The following SCAI variants were observed in gnomAD, a reference collection of about 807,000 sequenced individuals.
The protein encoded by SCAI is protein SCAI.
In SCAI, 24 loss-of-function variants were observed where a neutral mutation model predicts 92.2. The ratio of observed to expected loss-of-function variants is 0.26; its 90% CI spans 0.19 to 0.37. The LOEUF (loss-of-function observed/expected upper bound fraction) is 0.37, where lower values mean the gene tolerates loss of function less well. Among genes scored for constraint, SCAI ranks in the 10% least tolerant of loss-of-function variants. SCAI has a pLI of 1.00. For synonymous variants in SCAI, 261 were observed against 258.6 expected, an observed-to-expected ratio of 1.01 and a Z score of -0.09; for missense variants, 450 against 736.2, an observed-to-expected ratio of 0.61 and a Z score of 4.50.
At chr9:124,971,568 C>T (rs1831658549) in intron 16 of SCAI, 98 bp from the exon 17 acceptor site, 2 of 1,392,168 alleles carry the variant, frequency 1.4e-6, no homozygotes, top group Non-Finnish European at 2.0e-6. Context: ...AACTTTCCTG[C>T]CTGGGACACA....
intron 17 of SCAI, among the ~76,000 whole-genome samples, chr9:124,963,454 A>C (rs1411572541): frequency 6.6e-6 from 1 of 151,956 alleles, no homozygotes; most frequent in Non-Finnish European, 1.5e-5. Context: ...AATGTTACTA[A>C]GAAAATTGGC....
intron 3 of SCAI, among the ~76,000 whole-genome samples, chr9:125,035,155 G>C (rs1204106280): frequency 5.3e-5 from 8 of 152,004 alleles, no homozygotes; most frequent in African/African-American, 1.9e-4. Context: ...AGAAATTCAA[G>C]ACCAGCCAGG....
intron 3 of SCAI, among the ~76,000 whole-genome samples, chr9:125,047,225 G>T (rs1216838388): frequency 1.3e-5 from 2 of 152,084 alleles, no homozygotes; most frequent in African/African-American, 4.8e-5. Flanking sequence ...GTCCTTAGAA[G>T]AAGACATTAG....
intron 2 of SCAI, among the ~76,000 whole-genome samples, chr9:125,133,649 G>C (rs1344562278): frequency 6.6e-6 from 1 of 152,050 alleles, no homozygotes; most frequent in African/African-American, 2.4e-5. Context: ...GGTTTTAAGG[G>C]TATACATGTA....
chr9:125,104,729 C>CT (rs1834741349), intron 2 of SCAI, among the ~76,000 whole-genome samples: 1 of 151,824 alleles, frequency 6.6e-6, no homozygotes, highest in South Asian at 2.1e-4. Context: ...TGGTGAAACT[C>CT]CATCTTTCTC....
chr9:125,121,311 G>C (rs192514042), intron 2 of SCAI, among the ~76,000 whole-genome samples: 1 of 149,190 alleles, frequency 6.7e-6, no homozygotes, highest in African/African-American at 2.5e-5. Context: ...GAAAAAAGAT[G>C]AATCAAACCT....
At chr9:125,007,938 C>T (rs909297297) in intron 9 of SCAI, among the ~76,000 whole-genome samples, 21 of 151,704 alleles carry the variant, frequency 1.4e-4, no homozygotes, top group South Asian at 2.1e-4. Flanking sequence ...CTCCACCTCC[C>T]GGGTTCACGC....
rs58586769 is a variant in SCAI, at chr9:125,002,488, G to GTTTTTTTTTTTTTTTTTTTT, written c.1066-446_1066-445insAAAAAAAAAAAAAAAAAAAA. On this transcript the variant is annotated intron_variant, in intron 11 of 17. Transcript: ENST00000336505. ...ACACTCTGCTTTTGTTTTTTAGTCT[G>GTTTTTTTTTTTTTTTTTTTT]TTTTTTTTTTTGAAACAGAGTTTCA... Among the ~76,000 whole-genome samples the GTTTTTTTTTTTTTTTTTTTT allele has an allele frequency of 2.6e-4, 32 of 125,100 alleles. 3 individuals carry two copies. Among genetic ancestry groups the GTTTTTTTTTTTTTTTTTTTT allele is most frequent in the African/African-American group, 6.6e-4 (21 of 31,670 alleles). The allele number at this position is 125,100 out of a possible 152,430, so 82.1% of individuals were successfully genotyped here. A position where few individuals can be genotyped will look rare whatever the true frequency, so the allele number is the denominator to read the frequency against.
At chr9:125,132,024 A>G (rs1835411544) in intron 2 of SCAI, among the ~76,000 whole-genome samples, 1 of 151,868 alleles carries the variant, frequency 6.6e-6, no homozygotes, top group South Asian at 2.1e-4. Context: ...AGTTTGGTCT[A>G]TTTTTACACC....
chr9:125,057,348 C>A (rs1833690311), intron 2 of SCAI, among the ~76,000 whole-genome samples: 1 of 152,072 alleles, frequency 6.6e-6, no homozygotes, highest in Admixed American at 6.6e-5. Flanking sequence ...AACTGCCACA[C>A]AATAGCTTAC....
intron 2 of SCAI, among the ~76,000 whole-genome samples, chr9:125,121,130 G>T (rs993429454): frequency 6.6e-6 from 1 of 151,592 alleles, no homozygotes; most frequent in South Asian, 2.1e-4. Flanking sequence ...GTGCAAATTT[G>T]TATTCATTCA....
chr9:125,136,165 C>A (rs1211975651), intron 2 of SCAI, among the ~76,000 whole-genome samples: 1 of 148,168 alleles, frequency 6.7e-6, no homozygotes, highest in Non-Finnish European at 1.5e-5. Flanking sequence ...GGCTGGAGTG[C>A]AGTGGTGCAA....
intron 14 of SCAI, among the ~76,000 whole-genome samples, chr9:124,994,424 C>T (rs1832198298): frequency 6.6e-6 from 1 of 152,168 alleles, no homozygotes; most frequent in African/African-American, 2.4e-5. Context: ...ATCCCTGTCA[C>T]TTATTTCAGC....
At chr9:125,090,414 A>AG in intron 2 of SCAI, among the ~76,000 whole-genome samples, 1 of 151,424 alleles carries the variant, frequency 6.6e-6, no homozygotes, top group Non-Finnish European at 1.5e-5. Context: ...GATGATGAGG[A>AG]AGGAGGAGGA....
intron 14 of SCAI, among the ~76,000 whole-genome samples, chr9:124,991,781 G>A (rs1832130705): frequency 6.6e-6 from 1 of 152,120 alleles, no homozygotes; most frequent in Non-Finnish European, 1.5e-5. Context: ...AGGTTTCAGT[G>A]AGCCAAGATT....
chr9:125,082,747 A>T (rs1461682426), intron 2 of SCAI, among the ~76,000 whole-genome samples: 4 of 152,182 alleles, frequency 2.6e-5, no homozygotes, highest in African/African-American at 9.7e-5. Context: ...TGGATTTTGG[A>T]CTTGCATGGG....
intron 13 of SCAI, among the ~76,000 whole-genome samples, chr9:124,996,788 C>A (rs574996095): frequency 6.6e-6 from 1 of 152,112 alleles, no homozygotes; most frequent in East Asian, 1.9e-4. Flanking sequence ...TGCCACCACA[C>A]CCGGCTAATT....
chr9:125,100,244 G>A (rs1211971470), intron 2 of SCAI, among the ~76,000 whole-genome samples: 2 of 152,204 alleles, frequency 1.3e-5, no homozygotes, highest in African/African-American at 2.4e-5. Context: ...GTCAGAAGTG[G>A]CCCAGGTTTT....
chr9:125,026,322 GTGAGT>G (rs1356221244), intron 6 of SCAI, among the ~76,000 whole-genome samples: 2 of 150,374 alleles, frequency 1.3e-5, no homozygotes, highest in Non-Finnish European at 1.5e-5. Flanking sequence ...GGAGGTTGCA[GTGAGT>G]TGAGATCGCA....
Sources: allele counts gnomAD v4.1 joint callset (sites outside exome capture counted in the v4.1 genomes callset), GRCh38; gene constraint gnomAD v4.1.1; transcripts MANE v1.5; gene names NCBI Gene and HGNC (gene_info 2026-07-23, HGNC 2026-07-21).